The following FBXL4 variants were observed in gnomAD, a reference collection of about 807,000 sequenced individuals.
FBXL4 encodes F-box and leucine rich repeat protein 4, also known as F-box/LRR-repeat protein 4.
FBXL4 carries 40 observed loss-of-function variants against 58.9 expected under a neutral mutation model. That is an observed-to-expected ratio of 0.68 (90% CI 0.53 to 0.88). The LOEUF (loss-of-function observed/expected upper bound fraction) is 0.88, where lower values mean the gene tolerates loss of function less well. Among genes scored for constraint, FBXL4 ranks in the 40% least tolerant of loss-of-function variants. The pLI, the probability that FBXL4 is intolerant of heterozygous loss-of-function variation, is 0.00. For synonymous variants in FBXL4, 263 were observed against 265.5 expected (o/e 0.99, Z 0.09); for missense variants, 676 against 734.4 (o/e 0.92, Z 0.92).
At chr6:98,915,351 C>T (rs1020991050) in intron 5 of FBXL4, among the ~76,000 whole-genome samples, 41 of 152,220 alleles carry the variant, frequency 2.7e-4, no homozygotes, top group African/African-American at 8.4e-4. Flanking sequence ...AAAAAGAGCC[C>T]ACATCACCAA....
At position 98,920,980 on chromosome 6, in the gene FBXL4, GTATT is replaced by G. The variant is rs530227540; in HGVS notation, c.513-3265_513-3262del. Among the ~76,000 whole-genome samples, 18 of 152,210 alleles carry G rather than the reference GTATT, an allele frequency of 1.2e-4. No individual in the cohort carries two copies. The South Asian group carries it at 3.7e-3, about 32-fold the overall frequency. On this transcript the variant is annotated intron_variant, in intron 4 of 9. Coordinates refer to ENST00000369244, the MANE Select transcript of FBXL4 (RefSeq NM_001278716.2). ...ATGTTTAATATTATTCTCATACACT[GTATT>G]TATTTACTGGACAAATCTGACAAAC...
At chr6:98,888,358 C>T (rs995199914) in intron 7 of FBXL4, among the ~76,000 whole-genome samples, 31 of 152,310 alleles carry the variant, frequency 2.0e-4, no homozygotes, top group African/African-American at 7.0e-4. Flanking sequence ...ACTACCTAGC[C>T]CTTCACAGAA....
chr6:98,938,459 C>T (rs895172459), intron 1 of FBXL4, among the ~76,000 whole-genome samples: 1 of 152,208 alleles, frequency 6.6e-6, no homozygotes, highest in Non-Finnish European at 1.5e-5. Context: ...CTTTAAAAGG[C>T]AGTCCCTTAT....
chr6:98,924,746 GTA>G (rs1214034478), intron 4 of FBXL4, among the ~76,000 whole-genome samples: 3 of 152,212 alleles, frequency 2.0e-5, no homozygotes, highest in Non-Finnish European at 4.4e-5. Flanking sequence ...GCTGTACTCT[GTA>G]TGTTTTCTGG....
At chr6:98,929,134 T>C (rs1446116253) in intron 2 of FBXL4, among the ~76,000 whole-genome samples, 3 of 152,190 alleles carry the variant, frequency 2.0e-5, no homozygotes, top group Admixed American at 2.0e-4. Context: ...CTAAAATAAT[T>C]TTAAATTGTA....
chr6:98,900,669 AAACATT>A (rs1376096510), intron 6 of FBXL4, among the ~76,000 whole-genome samples: 3 of 152,214 alleles, frequency 2.0e-5, no homozygotes, highest in African/African-American at 7.2e-5. Context: ...AGCACCCCAT[AAACATT>A]AAGTATAAGT....
intron 4 of FBXL4, among the ~76,000 whole-genome samples, chr6:98,917,934 C>CT (rs1772433140): frequency 6.6e-6 from 1 of 152,078 alleles, no homozygotes; most frequent in African/African-American, 2.4e-5. Flanking sequence ...CCAAACAGTC[C>CT]TTTTTTACAG....
At chr6:98,947,526 C>A (rs911312603) in intron 1 of FBXL4, among the ~76,000 whole-genome samples, 1 of 152,254 alleles carries the variant, frequency 6.6e-6, no homozygotes, top group East Asian at 1.9e-4. Context: ...GCCGCGCACA[C>A]GTCCGAACGA....
At chr6:98,903,806 A>G (rs1356729059) in intron 6 of FBXL4, among the ~76,000 whole-genome samples, 3 of 152,138 alleles carry the variant, frequency 2.0e-5, no homozygotes, top group Non-Finnish European at 4.4e-5. Context: ...TATTTTCTTT[A>G]ATGTCTACAC....
At chr6:98,941,758 A>G (rs1773440625) in intron 1 of FBXL4, among the ~76,000 whole-genome samples, 1 of 152,172 alleles carries the variant, frequency 6.6e-6, no homozygotes, top group Non-Finnish European at 1.5e-5. Flanking sequence ...ATCTGCATTT[A>G]TATGTCTGAA....
chr6:98,942,649 G>A (rs2128413542), intron 1 of FBXL4, among the ~76,000 whole-genome samples: 1 of 152,192 alleles, frequency 6.6e-6, no homozygotes, highest in East Asian at 1.9e-4. Context: ...ACAGCACCAT[G>A]CTTCCTGTAC....
chr6:98,875,706 C>T lies in FBXL4; in HGVS notation c.1411G>A (p.Ala471Thr), dbSNP rs1227524799. 4 of 1,613,644 alleles carry T rather than the reference C, an allele frequency of 2.5e-6. No homozygotes were observed. The highest frequency in any genetic ancestry group is 3.4e-6 in the Non-Finnish European group (4 of 1,179,944). Reference protein sequence around the residue: ...CVMIEDYDVIASMIGAKCKKL... With the variant: ...CVMIEDYDVITSMIGAKCKKL... ...TTACACTTGGCTCCTATCATGCTAG[C>T]TATCACATCATAGTCTTCAATCTGG... The change falls in exon 9 of 10, where the codon GCT becomes ACT. Residue 471 changes from alanine (A) to threonine (T), a missense_variant. Ala to Thr is a moderately conservative substitution (Grantham distance 58, BLOSUM62 0). Transcript: ENST00000369244.
intron 5 of FBXL4, 37 bp from the exon 6 acceptor site, chr6:98,905,707 A>G (rs753348734): frequency 6.2e-7 from 1 of 1,601,554 alleles, no homozygotes; most frequent in South Asian, 1.1e-5. Context: ...ATCAAGAGTG[A>G]AAAGCAGTAT....
chr6:98,901,834 G>C (rs899720332), intron 6 of FBXL4, among the ~76,000 whole-genome samples: 1 of 152,038 alleles, frequency 6.6e-6, no homozygotes, highest in African/African-American at 2.4e-5. Context: ...CTGATCATTT[G>C]AAAGGAGAAC....
Position 98,931,780 on chromosome 6 carries a change from G to A in FBXL4, c.-191+2982C>T, listed in dbSNP as rs921343726. ...TTAGGGGTGGGGAAGAACATATGGAGAAGAAAGGATAGCTCTCTCTACTTT... is the reference window on the plus strand; with the variant it reads ...TTAGGGGTGGGGAAGAACATATGGAAAAGAAAGGATAGCTCTCTCTACTTT... On this transcript the variant is annotated intron_variant, in intron 2 of 9. Coordinates refer to ENST00000369244, the MANE Select transcript of FBXL4 (RefSeq NM_001278716.2). 5.3e-5 allele frequency among the ~76,000 whole-genome samples: 8 copies of A among 152,316 alleles called. No individual in the cohort carries two copies. In the East Asian group the frequency reaches 7.7e-4, roughly 15 times the overall value.
chr6:98,893,179 T>G (rs550398581), intron 7 of FBXL4, among the ~76,000 whole-genome samples: 10 of 152,310 alleles, frequency 6.6e-5, no homozygotes, highest in African/African-American at 2.4e-4. Context: ...GGGACTTATC[T>G]TAAAGACACT....
rs555675801 is a variant in FBXL4 at position 98,871,840 on chromosome 6, T to C, written c.*2438A>G. ...CATTGGCATAATAGTGTTAGTTCTATTGTGAGCTTTTGCGTTCAGGGCTGA... is the reference window on the plus strand; with the variant it reads ...CATTGGCATAATAGTGTTAGTTCTACTGTGAGCTTTTGCGTTCAGGGCTGA... On this transcript the variant is annotated 3_prime_UTR_variant, in exon 10 of 10. Coordinates refer to ENST00000369244, the MANE Select transcript of FBXL4 (RefSeq NM_001278716.2). 22 of 152,304 alleles carry C rather than the reference T, an allele frequency of 1.4e-4. No homozygotes were observed. The highest frequency in any genetic ancestry group is 4.8e-4 in the African/African-American group (20 of 41,566). The allele number at this position is 152,304 out of a possible 1,614,324, so 9.4% of individuals were successfully genotyped here. A position where few individuals can be genotyped will look rare whatever the true frequency, so the allele number is the denominator to read the frequency against.
intron 7 of FBXL4, among the ~76,000 whole-genome samples, chr6:98,893,349 A>C (rs1244872609): frequency 1.3e-5 from 2 of 152,196 alleles, no homozygotes; most frequent in African/African-American, 4.8e-5. Flanking sequence ...TCTAGGTGTC[A>C]ACAGAGTTGG....
intron 7 of FBXL4, among the ~76,000 whole-genome samples, chr6:98,884,023 A>G (rs1770943564): frequency 6.6e-6 from 1 of 150,980 alleles, no homozygotes; most frequent in Non-Finnish European, 1.5e-5. Flanking sequence ...CTGTGTCATA[A>G]TTTTTTTTTA....
Sources: allele counts gnomAD v4.1 joint callset (sites outside exome capture counted in the v4.1 genomes callset), GRCh38; gene constraint gnomAD v4.1.1; transcripts MANE v1.5; gene names NCBI Gene and HGNC (gene_info 2026-07-23, HGNC 2026-07-21).